DPP6: variants seen among roughly 807,000 people sequenced by gnomAD.
DPP6 encodes dipeptidyl peptidase like 6.
Under a neutral mutation model 122.6 loss-of-function variants are expected in DPP6, and 69 were observed. The observed-to-expected ratio is 0.56, with a 90% confidence interval of 0.46 to 0.69. DPP6 has a LOEUF of 0.69. DPP6 is among the 30% of genes least tolerant of loss of function. The pLI, the probability that DPP6 is intolerant of heterozygous loss-of-function variation, is 0.00. For missense variants in DPP6, 928 were observed against 1,116.9 expected (o/e 0.83, Z 2.41); for synonymous variants, 418 against 433.1 (o/e 0.97, Z 0.43).
At chr7:154,671,817 A>C (rs1163269665) in intron 7 of DPP6, among the ~76,000 whole-genome samples, 3 of 152,134 alleles carry the variant, frequency 2.0e-5, no homozygotes, top group African/African-American at 7.2e-5. Flanking sequence ...AAAGTAAATG[A>C]CAACTTCTCA....
chr7:154,741,512 C>T (rs1842821643), intron 8 of DPP6, among the ~76,000 whole-genome samples: 1 of 152,248 alleles, frequency 6.6e-6, no homozygotes, highest in South Asian at 2.1e-4. Flanking sequence ...AGCCAGCCAG[C>T]ACCTTCTTCT....
chr7:154,592,985 G>A (rs1468525438), intron 5 of DPP6, among the ~76,000 whole-genome samples: 2 of 152,148 alleles, frequency 1.3e-5, no homozygotes, highest in African/African-American at 4.8e-5. Context: ...ATCCTTGCAG[G>A]CGTCACCCAG....
chr7:154,459,458 G>T (rs1335803472), intron 2 of DPP6, among the ~76,000 whole-genome samples: 2 of 152,166 alleles, frequency 1.3e-5, no homozygotes, highest in East Asian at 3.8e-4. Context: ...ATTCAGGTAT[G>T]AGTATATGTT....
chr7:154,137,656 G>T (rs1173023713), intron 1 of DPP6, among the ~76,000 whole-genome samples: 1 of 53,678 alleles, frequency 1.9e-5, no homozygotes, highest in Non-Finnish European at 4.0e-5. Flanking sequence ...GGGGTGGGGG[G>T]GTGGGGGGGG....
chr7:154,747,988 G>A (rs1342436533), intron 8 of DPP6, among the ~76,000 whole-genome samples: 1 of 152,214 alleles, frequency 6.6e-6, no homozygotes, highest in African/African-American at 2.4e-5. Flanking sequence ...AATAGATAAA[G>A]GGGTACAAGC....
chr7:154,460,978 T>C (rs1387540861), intron 2 of DPP6, among the ~76,000 whole-genome samples: 1 of 151,828 alleles, frequency 6.6e-6, no homozygotes, highest in Non-Finnish European at 1.5e-5. Context: ...CCATTAACCA[T>C]CCCCCTCTGC....
intron 1 of DPP6, among the ~76,000 whole-genome samples, chr7:154,390,162 G>GC (rs1280745755): frequency 6.6e-6 from 1 of 152,216 alleles, no homozygotes; most frequent in Non-Finnish European, 1.5e-5. Context: ...GGGCTCAGAT[G>GC]CAAGTGGGGG....
intron 7 of DPP6, among the ~76,000 whole-genome samples, chr7:154,721,907 T>G (rs1247503729): frequency 6.6e-6 from 1 of 150,934 alleles, no homozygotes; most frequent in Non-Finnish European, 1.5e-5. Flanking sequence ...GGCTCACACC[T>G]CTAATCCCAA....
intron 1 of DPP6, among the ~76,000 whole-genome samples, chr7:154,225,441 G>T (rs1423218037): frequency 4.6e-5 from 7 of 151,932 alleles, no homozygotes; most frequent in African/African-American, 1.7e-4. Context: ...TTTCACAATG[G>T]ATACTCCAAT....
intron 1 of DPP6, among the ~76,000 whole-genome samples, chr7:154,298,073 G>A (rs76901317): frequency 0.051 from 7,785 of 152,214 alleles, 257 homozygotes; most frequent in African/African-American, 0.078. Flanking sequence ...GGTGGGCCTC[G>A]TCCGATTAGT....
chr7:154,042,745 A>G (rs190828350), intron 1 of DPP6, among the ~76,000 whole-genome samples: 2 of 152,334 alleles, frequency 1.3e-5, no homozygotes, highest in East Asian at 1.9e-4. Context: ...ATTGCATTAC[A>G]TTTAGTGATT....
intron 6 of DPP6, among the ~76,000 whole-genome samples, chr7:154,661,820 AC>A (rs1310927363): frequency 6.9e-6 from 1 of 144,876 alleles, no homozygotes; most frequent in East Asian, 2.1e-4. Flanking sequence ...CCTAGTGTTC[AC>A]GCAGTCATGG....
intron 3 of DPP6, among the ~76,000 whole-genome samples, chr7:154,503,369 T>C (rs1825410288): frequency 6.6e-6 from 1 of 152,158 alleles, no homozygotes; most frequent in African/African-American, 2.4e-5. Flanking sequence ...AGTCCCAGGT[T>C]CCATGCTTAC....
At chr7:154,187,586 T>C (rs1798410485) in intron 1 of DPP6, among the ~76,000 whole-genome samples, 1 of 152,174 alleles carries the variant, frequency 6.6e-6, no homozygotes, top group African/African-American at 2.4e-5. Context: ...TTAGTTACAA[T>C]GACATGAAAC....
At chr7:154,357,540 C>G (rs563628562) in intron 1 of DPP6, among the ~76,000 whole-genome samples, 1 of 152,136 alleles carries the variant, frequency 6.6e-6, no homozygotes, top group Non-Finnish European at 1.5e-5. Context: ...TATTCAGGCT[C>G]GAGGCAACTC....
chr7:154,335,817 C>T (rs6464407), intron 1 of DPP6, among the ~76,000 whole-genome samples: 113,306 of 151,960 alleles, frequency 0.75, 42,474 homozygotes, highest in African/African-American at 0.81. Flanking sequence ...GCTGGTGCTG[C>T]ATGGGATGAG....
At chr7:154,557,942 C>T (rs1830159263) in intron 4 of DPP6, among the ~76,000 whole-genome samples, 1 of 152,094 alleles carries the variant, frequency 6.6e-6, no homozygotes, top group African/African-American at 2.4e-5. Flanking sequence ...GGCAAAACCA[C>T]AATTACTTTA....
intron 1 of DPP6, among the ~76,000 whole-genome samples, chr7:154,323,329 GA>G (rs573912686): frequency 0.032 from 4,443 of 139,662 alleles, 188 homozygotes; most frequent in African/African-American, 0.1. Flanking sequence ...CATTAAAAAA[GA>G]AAAAAAAAAA....
At chr7:154,668,227 CA>C (rs975911343) in intron 6 of DPP6, among the ~76,000 whole-genome samples, 1 of 25,146 alleles carries the variant, frequency 4.0e-5, no homozygotes, top group African/African-American at 7.1e-5. Flanking sequence ...ATAATATACA[CA>C]TTTTTTTTTC....
Sources: allele counts gnomAD v4.1 joint callset (sites outside exome capture counted in the v4.1 genomes callset), GRCh38; gene constraint gnomAD v4.1.1; transcripts MANE v1.5; gene names NCBI Gene and HGNC (gene_info 2026-07-23, HGNC 2026-07-21).